BRSK1: variants seen among roughly 807,000 people sequenced by gnomAD.
BRSK1 encodes the protein BR serine/threonine kinase 1, also known as serine/threonine-protein kinase BRSK1.
In BRSK1, 17 loss-of-function variants were observed where a neutral mutation model predicts 86.2. That is an observed-to-expected ratio of 0.20 (90% confidence interval 0.14 to 0.30). The LOEUF (loss-of-function observed/expected upper bound fraction) is 0.30. BRSK1 is among the 10% of genes least tolerant of loss of function. The pLI is 1.00. For missense variants in BRSK1, 719 were observed against 1,071.9 expected (o/e 0.67, Z 4.60); for synonymous variants, 464 against 440.1 (o/e 1.05, Z -0.68).
chr19:55,284,613 G>A (rs778737323), intron 1 of BRSK1, 35 bp downstream of exon 1: 21 of 1,270,594 alleles, frequency 1.7e-5, no homozygotes, highest in South Asian at 3.1e-5. Context: ...TGGGGCGGGG[G>A]GCAGGGTGGA....
intron 7 of BRSK1, among the ~76,000 whole-genome samples, chr19:55,300,473 C>T (rs899029526): frequency 1.3e-5 from 2 of 152,150 alleles, no homozygotes; most frequent in Non-Finnish European, 1.5e-5. Flanking sequence ...GAGGCTGAGG[C>T]GGGCAGATCA....
At chr19:55,300,378 T>C (rs570272901) in intron 7 of BRSK1, among the ~76,000 whole-genome samples, 143 of 152,298 alleles carry the variant, frequency 9.4e-4, no homozygotes, top group African/African-American at 3.2e-3. Context: ...CCTGAGGTCA[T>C]GCAGGTATAA....
At chr19:55,311,807 G>T (rs1221268813) in intron 18 of BRSK1, 104 bp from the exon 19 acceptor site, 24 of 1,246,994 alleles carry the variant, frequency 1.9e-5, no homozygotes, top group Non-Finnish European at 2.7e-5. Context: ...GAGCCTCGGG[G>T]TTACTGAGAC....
rs777121131 is a variant in BRSK1, at chr19:55,312,017, C to T, written c.2286C>T (p.Gly762=). ...AGCTGAGCAGCTCTCCCCGCCGAGG[C>T]CCCCCCAAGGACAAGAAGCTCCTGG... ...DPELSSSPRR[G]PPKDKKLLAT... is the part of the protein sequence containing the mutation. The change falls in exon 19 of 19, where the codon GGC becomes GGT. Residue 762 remains glycine (G), a synonymous_variant. Coordinates refer to ENST00000309383, the MANE Select transcript of BRSK1 (RefSeq NM_032430.2). 4 of 1,512,324 alleles carry T rather than the reference C, an allele frequency of 2.6e-6. No individual in the cohort carries two copies. The highest frequency in any genetic ancestry group is 1.3e-5 in the South Asian group (1 of 79,646). The allele number at this position is 1,512,324 out of a possible 1,614,324, so 93.7% of individuals were successfully genotyped here. A position where few individuals can be genotyped will look rare whatever the true frequency, so the allele number is the denominator to read the frequency against.
chr19:55,309,121 G>A lies in BRSK1; in HGVS notation c.2179+393G>A, dbSNP rs143442791. 1.8e-3 allele frequency among the ~76,000 whole-genome samples: 274 copies of A among 152,192 alleles called. 1 individual carries two copies. The highest frequency in any genetic ancestry group is 3.4e-3 in the Middle Eastern group (1 of 294). ...CTGTCCAGGAGGACGGTGACCCACC[G>A]TCCTGGTTTGCTTGGGACTGAAGGG... On this transcript the variant is annotated intron_variant, in intron 18 of 18. Transcript: ENST00000309383.
Position 55,308,024 on chromosome 19 carries a change from G to GT in BRSK1, c.2090-601dup, listed in dbSNP as rs563131841. On this transcript the variant is annotated intron_variant, in intron 17 of 18. Coordinates refer to ENST00000309383, the MANE Select transcript of BRSK1 (RefSeq NM_032430.2). Reference sequence around the variant, plus strand: ...TTTTTTTTGTTGTTGTTGTTGTTTGGTTTTTTTTTTTTTTGAGACAGAGTC... The same window carrying GT: ...TTTTTTTTGTTGTTGTTGTTGTTTGGTTTTTTTTTTTTTTTGAGACAGAGTC... Among the ~76,000 whole-genome samples, 468 of 139,494 alleles carry GT rather than the reference G, an allele frequency of 3.4e-3. 1 individual carries two copies. The highest frequency in any genetic ancestry group is 7.3e-3 in the Middle Eastern group (2 of 274). 91.5% of individuals were successfully genotyped at this position (139,494 alleles called of 152,430 possible).
chr19:55,290,122 G>A (rs1451099131), intron 4 of BRSK1, among the ~76,000 whole-genome samples: 1 of 152,058 alleles, frequency 6.6e-6, no homozygotes, highest in African/African-American at 2.4e-5. Flanking sequence ...AGCCTCCGGA[G>A]TAGCTGGGAT....
intron 7 of BRSK1, among the ~76,000 whole-genome samples, chr19:55,297,904 TC>T (rs1365309476): frequency 6.6e-6 from 1 of 151,688 alleles, no homozygotes; most frequent in Non-Finnish European, 1.5e-5. Context: ...AACCTCCACC[TC>T]CCAGGTTCAA....
In BRSK1 at chr19:55,312,017, C is replaced by A. The variant is rs777121131; in HGVS notation, c.2286C>A (p.Gly762=). Residue 762 remains glycine (G), a synonymous_variant, in exon 19 of 19, where the codon GGC becomes GGA. Transcript: ENST00000309383. ...AGCTGAGCAGCTCTCCCCGCCGAGG[C>A]CCCCCCAAGGACAAGAAGCTCCTGG... ...DPELSSSPRR[G]PPKDKKLLAT... 1.3e-6 allele frequency: 2 copies of A among 1,512,324 alleles called. No homozygotes were observed. The highest frequency in any genetic ancestry group is 1.8e-6 in the Non-Finnish European group (2 of 1,128,810). 93.7% of individuals were successfully genotyped at this position (1,512,324 alleles called of 1,614,324 possible). A position where few individuals can be genotyped will look rare whatever the true frequency, so the allele number is the denominator to read the frequency against.
chr19:55,305,527 G>A lies in BRSK1; in HGVS notation c.1831G>A (p.Val611Met), dbSNP rs201185885. ...GGACAAAGAAGAACAAATATTCCTC[G>A]TGCTAAAGGACAAACCTCTCAGCAG... is the stretch of plus-strand genomic sequence containing the variant. The part of the protein sequence containing the change: ...SLDKEEQIFL[V>M]LKDKPLSSIK... The change falls in exon 16 of 19, where the codon GTG becomes ATG. Residue 611 changes from valine to methionine, a missense_variant. By Grantham distance (21) the Val-to-Met change is conservative. This residue lies in a region of BRSK1 where 180 missense variants were observed against 259.4 expected (regional missense o/e 0.69). Transcript: ENST00000309383. The A allele has an allele frequency of 1.3e-5, 21 of 1,614,036 alleles. No homozygotes were observed. Among genetic ancestry groups the A allele is most frequent in the Admixed American group, 6.7e-5 (4 of 60,002 alleles).
intron 1 of BRSK1, among the ~76,000 whole-genome samples, chr19:55,286,480 G>C (rs964043469): frequency 6.6e-6 from 1 of 151,574 alleles, no homozygotes; most frequent in African/African-American, 2.4e-5. Flanking sequence ...GGTGGAGGGT[G>C]ATCTGGGGAG....
At position 55,303,631 on chromosome 19, in the gene BRSK1, C is replaced by T. The variant is rs763450556; in HGVS notation, c.1127-36C>T. The T allele has an allele frequency of 3.8e-6, 6 of 1,570,350 alleles. No individual in the cohort carries two copies. The highest frequency in any genetic ancestry group is 2.4e-5 in the South Asian group (2 of 84,796). ...GGCAGTTGTACACAGCTGGGTGAAA[C>T]CATCTCTTGATTGGGTTGAAACTGT... On this transcript the variant is annotated intron_variant, in intron 11 of 18. Coordinates refer to ENST00000309383, the MANE Select transcript of BRSK1 (RefSeq NM_032430.2). The surrounding 1 kb of genome is among the most constrained non-coding windows in gnomAD (Gnocchi z 5.1).
intron 7 of BRSK1, among the ~76,000 whole-genome samples, chr19:55,295,751 C>CT (rs752766120): frequency 4.6e-5 from 7 of 152,148 alleles, no homozygotes; most frequent in Admixed American, 2.0e-4. Flanking sequence ...GGCAGATCAC[C>CT]TGGGGCCAGA....
At position 55,284,344 on chromosome 19, in the gene BRSK1, G is replaced by T; in HGVS notation, c.-99G>T. 1 of 902,374 alleles carries T rather than the reference G, an allele frequency of 1.1e-6. No individual in the cohort carries two copies. Among genetic ancestry groups the T allele is most frequent in the Non-Finnish European group, 1.5e-6 (1 of 682,312 alleles). The allele number at this position is 902,374 out of a possible 1,614,324, so 55.9% of individuals were successfully genotyped here. On this transcript the variant is annotated 5_prime_UTR_variant, in exon 1 of 19. Coordinates refer to ENST00000309383, the MANE Select transcript of BRSK1 (RefSeq NM_032430.2). ...CCGGAGAGGTGGGGGGCAGCCGGGG[G>T]GGCCGGGACGGAGCGGTCGCCGGCC... is the stretch of plus-strand genomic sequence containing the variant.
In BRSK1 at chr19:55,304,280, T is replaced by C. The variant is rs1325902498; in HGVS notation, c.1347+170T>C. ...AGTATTTTGGTCCATTGGCCATTTC[T>C]ACCTCCTTAGGATTGCATGCCTGAA... is the stretch of plus-strand genomic sequence containing the variant. On this transcript the variant is annotated intron_variant, in intron 13 of 18. Coordinates refer to ENST00000309383, the MANE Select transcript of BRSK1 (RefSeq NM_032430.2). The surrounding 1 kb of genome is among the most constrained non-coding windows in gnomAD (Gnocchi z 5.2). 6.6e-6 allele frequency among the ~76,000 whole-genome samples: 1 copy of C among 152,200 alleles called. No individual in the cohort carries two copies. The highest frequency in any genetic ancestry group is 1.9e-4 in the East Asian group (1 of 5,186).
chr19:55,304,836 G>A lies in BRSK1; in HGVS notation c.1633G>A (p.Gly545Arg), dbSNP rs762020823. ...TPPPSPGGGV[G>R]GAAWRSRLNS... ...ACCCCCCAGCCCCGGCGGTGGCGTC[G>A]GGGGAGCCGCCTGGAGGAGTCGTCT... Residue 545 changes from glycine (G) to arginine (R), a missense_variant, in exon 14 of 19, where the codon GGG becomes AGG. By Grantham distance (125) the Gly-to-Arg change is moderately radical. Around this residue, in one of 6 missense-constraint regions of BRSK1, gnomAD observed 180 missense variants for 259.4 expected, o/e 0.69. Transcript: ENST00000309383. The surrounding 1 kb of genome is among the most constrained non-coding windows in gnomAD (Gnocchi z 5.2). The A allele has an allele frequency of 6.2e-7, 1 of 1,600,920 alleles. No homozygotes were observed. Among genetic ancestry groups the A allele is most frequent in the Non-Finnish European group, 8.5e-7 (1 of 1,176,156 alleles).
In BRSK1 at chr19:55,312,245, G is replaced by A; in HGVS notation, c.*177G>A. 1.1e-5 allele frequency: 4 copies of A among 362,870 alleles called. No homozygotes were observed. Among genetic ancestry groups the A allele is most frequent in the Non-Finnish European group, 2.0e-5 (4 of 202,752 alleles). 22.5% of individuals were successfully genotyped at this position (362,870 alleles called of 1,614,324 possible). On this transcript the variant is annotated 3_prime_UTR_variant, in exon 19 of 19. Transcript: ENST00000309383. The stretch of plus-strand genomic sequence containing the variant: ...TGCCCAACTGGGGGTGGTTCTAGGG[G>A]AACAGGGGGCGGGGGAGCTGTTTCT...
chr19:55,291,329 A>C (rs1045639184), intron 4 of BRSK1, among the ~76,000 whole-genome samples: 1 of 151,762 alleles, frequency 6.6e-6, no homozygotes, highest in Admixed American at 6.6e-5. Context: ...ACCTGAGCTC[A>C]GGAGTTCGAG....
rs887297832 is a variant in BRSK1 at position 55,302,422 on chromosome 19, A to T, written c.857+254A>T. The T allele has an allele frequency of 1.4e-4, 83 of 606,890 alleles. 1 individual carries two copies. The Middle Eastern group carries it at 2.7e-3, about 20-fold the overall frequency. 37.6% of individuals were successfully genotyped at this position (606,890 alleles called of 1,614,324 possible). On this transcript the variant is annotated intron_variant, in intron 9 of 18. Coordinates refer to ENST00000309383, the MANE Select transcript of BRSK1 (RefSeq NM_032430.2). The surrounding 1 kb of genome is among the most constrained non-coding windows in gnomAD (Gnocchi z 6.3). ...AGGGACTGGGGGCCTGGACTCCTGGATCCGAGGGAGGAGGGGCTGGGGGCC... is the reference window on the plus strand; with the variant it reads ...AGGGACTGGGGGCCTGGACTCCTGGTTCCGAGGGAGGAGGGGCTGGGGGCC...
Sources: gnomAD v4.1 joint callset for allele counts (sites outside exome capture counted in the v4.1 genomes callset) on GRCh38, gnomAD v4.1.1 for gene constraint, gnomAD v4.1.1 regional missense constraint, Gnocchi (gnomAD v3.1) non-coding constraint, MANE v1.5 for transcripts, NCBI Gene and HGNC (gene_info 2026-07-23, HGNC 2026-07-21) for gene names.